Variants in ZFHX3 observed in about 807,000 individuals in gnomAD.
The protein encoded by ZFHX3 is zinc finger homeobox 3, also known as zinc finger homeobox protein 3.
In ZFHX3, 42 loss-of-function variants were observed where a neutral mutation model predicts 279.1. The ratio of observed to expected loss-of-function variants is 0.15; its 90% confidence interval spans 0.12 to 0.19. The LOEUF (loss-of-function observed/expected upper bound fraction) is 0.19, where lower values mean the gene tolerates loss of function less well. Among genes scored for constraint, ZFHX3 ranks in the 10% least tolerant of loss-of-function variants. The probability of loss-of-function intolerance (pLI) is 1.00; values close to 1 mark genes in which losing one functional copy is unlikely to be tolerated. For missense variants in ZFHX3, 4,981 were observed against 4,754.0 expected (o/e 1.05, Z -1.40); for synonymous variants, 2,293 against 1,957.8 (o/e 1.17, Z -4.52).
At chr16:73,682,238 G>A (rs1007434491) in intron 1 of ZFHX3, among the ~76,000 whole-genome samples, 2 of 152,112 alleles carry the variant, frequency 1.3e-5, no homozygotes, top group African/African-American at 4.8e-5. Context: ...CAAAATAAAT[G>A]TAGTTTGCCA....
chr16:73,007,652 T>C (rs1057238825), intron 1 of ZFHX3, among the ~76,000 whole-genome samples: 10 of 152,144 alleles, frequency 6.6e-5, no homozygotes, highest in African/African-American at 2.4e-4. Flanking sequence ...TTCACTATGT[T>C]GGCCAGACAG....
chr16:73,584,433 T>A (rs1189468525), intron 2 of ZFHX3, among the ~76,000 whole-genome samples: 6 of 152,144 alleles, frequency 3.9e-5, no homozygotes. Context: ...TGACTGCTGA[T>A]CATCAACAAT....
intron 2 of ZFHX3, among the ~76,000 whole-genome samples, chr16:73,479,695 C>T (rs1414637086): frequency 6.6e-6 from 1 of 152,132 alleles, no homozygotes; most frequent in Non-Finnish European, 1.5e-5. Context: ...ACATAGCAGG[C>T]ATATGTAATG....
chr16:73,464,467 A>T (rs2143587648), intron 2 of ZFHX3, among the ~76,000 whole-genome samples: 1 of 150,284 alleles, frequency 6.7e-6, no homozygotes. Context: ...AAAAAAAAAA[A>T]GTCAGCTTTC....
chr16:73,761,069 C>T (rs2053860713), intron 1 of ZFHX3, among the ~76,000 whole-genome samples: 1 of 151,702 alleles, frequency 6.6e-6, no homozygotes, highest in Non-Finnish European at 1.5e-5. Context: ...TGACATGATT[C>T]TTTATCTAGA....
intron 5 of ZFHX3, among the ~76,000 whole-genome samples, chr16:73,157,465 T>TAAAAAAA (rs1297201223): frequency 0.015 from 1,113 of 76,444 alleles, 115 homozygotes; most frequent in African/African-American, 0.061. Context: ...GAATGTTTGG[T>TAAAAAAA]AAAAAAAAAA....
At chr16:73,240,045 G>A (rs1247037796) in intron 5 of ZFHX3, among the ~76,000 whole-genome samples, 1 of 151,712 alleles carries the variant, frequency 6.6e-6, no homozygotes, top group Non-Finnish European at 1.5e-5. Flanking sequence ...GTGTGTGTGT[G>A]TGTGTGTATA....
intron 1 of ZFHX3, among the ~76,000 whole-genome samples, chr16:73,690,114 A>G (rs1486290166): frequency 2.0e-5 from 3 of 152,114 alleles, no homozygotes; most frequent in Non-Finnish European, 4.4e-5. Flanking sequence ...ATGGGGTTTC[A>G]CCATGTTGGC....
chr16:72,962,323 C>G (rs886163278), intron 1 of ZFHX3, among the ~76,000 whole-genome samples: 3 of 152,240 alleles, frequency 2.0e-5, no homozygotes, highest in African/African-American at 7.2e-5. Context: ...TCCTCCTCTT[C>G]CACAAACTAT....
At chr16:72,868,265 C>T (rs1025043665) in intron 4 of ZFHX3, among the ~76,000 whole-genome samples, 2 of 152,132 alleles carry the variant, frequency 1.3e-5, no homozygotes, top group Non-Finnish European at 2.9e-5. Context: ...TTTTCACCCT[C>T]CCTTCTTACC....
Position 73,177,949 on chromosome 16 carries a change from C to T in ZFHX3, c.-1103-34118G>A, listed in dbSNP as rs117542639. Among the ~76,000 whole-genome samples the T allele has an allele frequency of 8.1e-3, 1,233 of 151,596 alleles. 9 individuals are homozygous for T. The highest frequency in any genetic ancestry group is 0.019 in the South Asian group (92 of 4,792). ...GGGGCTGCTATGACAGTCAGCCTCA[C>T]GTGAAAAACAGAAAGACCCATCAGT... On this transcript the variant is annotated intron_variant, in intron 5 of 17. Transcript: ENST00000641206.
chr16:73,081,317 ATCTCTGC>A (rs1365191389), intron 8 of ZFHX3: 7 of 151,348 alleles, frequency 4.6e-5, no homozygotes, highest in Non-Finnish European at 7.4e-5. Context: ...CAATGGCACA[ATCTCTGC>A]TCTCTGCTCA....
At chr16:73,846,964 G>A (rs1057200931) in intron 1 of ZFHX3, among the ~76,000 whole-genome samples, 7 of 151,530 alleles carry the variant, frequency 4.6e-5, no homozygotes, top group African/African-American at 1.5e-4. Context: ...TATATTGTAG[G>A]TCACAGTGAT....
At chr16:73,769,331 T>G (rs915388808) in intron 1 of ZFHX3, among the ~76,000 whole-genome samples, 6 of 152,184 alleles carry the variant, frequency 3.9e-5, no homozygotes, top group African/African-American at 1.4e-4. Flanking sequence ...TAGCAAACCC[T>G]TGCAAGCTGC....
chr16:72,913,841 C>A (rs1022078648), intron 3 of ZFHX3, among the ~76,000 whole-genome samples: 2 of 152,184 alleles, frequency 1.3e-5, no homozygotes, highest in African/African-American at 2.4e-5. Flanking sequence ...CATACCTGGG[C>A]TCTCGACAAT....
chr16:73,210,958 T>C (rs779475811), intron 5 of ZFHX3, among the ~76,000 whole-genome samples: 1 of 152,156 alleles, frequency 6.6e-6, no homozygotes, highest in Non-Finnish European at 1.5e-5. Context: ...AAATTATGTC[T>C]CTACTCAACT....
intron 2 of ZFHX3, among the ~76,000 whole-genome samples, chr16:72,951,437 T>G (rs1960996655): frequency 6.6e-6 from 1 of 152,054 alleles, no homozygotes; most frequent in South Asian, 2.1e-4. Context: ...ATTTTTGTCT[T>G]TTTTAGTAGA....
intron 2 of ZFHX3, among the ~76,000 whole-genome samples, chr16:73,555,682 A>C (rs1317709356): frequency 6.6e-6 from 1 of 151,842 alleles, no homozygotes; most frequent in Non-Finnish European, 1.5e-5. Context: ...AATATAAAAA[A>C]TTAGCCGGGC....
chr16:73,746,344 T>C (rs1269473468), intron 1 of ZFHX3, among the ~76,000 whole-genome samples: 1 of 152,212 alleles, frequency 6.6e-6, no homozygotes, highest in African/African-American at 2.4e-5. Context: ...TCAGGGTTCC[T>C]TTGTCTCTTA....
Sources: gnomAD v4.1 joint callset for allele counts (sites outside exome capture counted in the v4.1 genomes callset) on GRCh38, gnomAD v4.1.1 for gene constraint, MANE v1.5 for transcripts, NCBI Gene and HGNC (gene_info 2026-07-23, HGNC 2026-07-21) for gene names.